Variants in ZNF148 observed in about 807,000 individuals in gnomAD.
ZNF148 encodes the protein zinc finger protein 148.
A neutral mutation model predicts 67.7 loss-of-function variants in ZNF148; 7 were observed. That is an observed-to-expected ratio of 0.10 (90% CI 0.06 to 0.19). The LOEUF (loss-of-function observed/expected upper bound fraction) is 0.19, where lower values mean the gene tolerates loss of function less well. Among genes scored for constraint, ZNF148 ranks in the 10% least tolerant of loss-of-function variants. ZNF148 has a pLI of 1.00. For missense variants in ZNF148, 583 were observed against 947.1 expected (o/e 0.62, Z 5.05); for synonymous variants, 333 against 330.7 (o/e 1.01, Z -0.08).
intron 7 of ZNF148, among the ~76,000 whole-genome samples, chr3:125,276,408 T>TTTTATTTA (rs34560368): frequency 1.2e-3 from 188 of 151,660 alleles, no homozygotes; most frequent in Admixed American, 2.0e-3. Flanking sequence ...ACAGTTAAAG[T>TTTTATTTA]TTTATTTATT....
intron 7 of ZNF148, among the ~76,000 whole-genome samples, chr3:125,252,535 T>C (rs1398004970): frequency 1.3e-5 from 2 of 152,008 alleles, no homozygotes; most frequent in Non-Finnish European, 2.9e-5. Context: ...AATCCCTGCA[T>C]GAGGCGGGTG....
At chr3:125,301,586 C>A (rs981380191) in intron 4 of ZNF148, among the ~76,000 whole-genome samples, 13 of 152,152 alleles carry the variant, frequency 8.5e-5, no homozygotes, top group African/African-American at 3.1e-4. Flanking sequence ...ACATAAAGTT[C>A]TTTGTACCTT....
intron 1 of ZNF148, among the ~76,000 whole-genome samples, chr3:125,340,389 A>G (rs6438897): frequency 0.77 from 117,251 of 152,100 alleles, 45,743 homozygotes; most frequent in African/African-American, 0.85. Context: ...GCAAGTAGGC[A>G]AAATTCAGGG....
intron 1 of ZNF148, among the ~76,000 whole-genome samples, chr3:125,333,806 T>C (rs752108680): frequency 6.6e-5 from 10 of 152,238 alleles, no homozygotes; most frequent in African/African-American, 9.6e-5. Flanking sequence ...TGAGGTTATG[T>C]CCCAATAGGT....
At chr3:125,254,876 TTC>T (rs1460246524) in intron 7 of ZNF148, among the ~76,000 whole-genome samples, 2 of 152,212 alleles carry the variant, frequency 1.3e-5, no homozygotes, top group Non-Finnish European at 1.5e-5. Context: ...TTTATTTGTT[TTC>T]TGTTTGTCCC....
chr3:125,322,707 C>A (rs1553709459), intron 3 of ZNF148, among the ~76,000 whole-genome samples: 1 of 152,154 alleles, frequency 6.6e-6, no homozygotes, highest in African/African-American at 2.4e-5. Context: ...ATAGTTTACA[C>A]AGACTTTTCA....
chr3:125,331,072 C>A, intron 2 of ZNF148, 86 bp downstream of exon 2: 1 of 397,922 alleles, frequency 2.5e-6, no homozygotes, highest in Non-Finnish European at 4.4e-6. Context: ...CACACTTATA[C>A]CCAACAGTTA....
intron 3 of ZNF148, among the ~76,000 whole-genome samples, chr3:125,317,429 G>C (rs756047635): frequency 1.4e-4 from 22 of 152,024 alleles, no homozygotes; most frequent in Non-Finnish European, 2.1e-4. Context: ...AAAGAAGTAA[G>C]TATAAGGATG....
At chr3:125,287,246 TAA>T (rs1349147184) in intron 5 of ZNF148, among the ~76,000 whole-genome samples, 1 of 151,900 alleles carries the variant, frequency 6.6e-6, no homozygotes, top group Admixed American at 6.6e-5. Flanking sequence ...AAGAAAAAAA[TAA>T]GAGTTAACTA....
chr3:125,287,868 C>T (rs556850191), intron 5 of ZNF148, among the ~76,000 whole-genome samples: 1 of 152,066 alleles, frequency 6.6e-6, no homozygotes, highest in Non-Finnish European at 1.5e-5. Flanking sequence ...GCATGCCATC[C>T]GATAGAGATA....
At position 125,234,495 on chromosome 3, in the gene ZNF148, T is replaced by C. The variant is rs979399526; in HGVS notation, c.668-166A>G. Among the ~76,000 whole-genome samples, 8 of 152,316 alleles carry C rather than the reference T, an allele frequency of 5.3e-5. No individual in the cohort carries two copies. The South Asian group carries it at 1.5e-3, about 28-fold the overall frequency. ...AAATGAAAAGGATTAGCATATGCTATTGGAAAGAAAAGGATGAATACAGGC... is the reference window on the plus strand; with the variant it reads ...AAATGAAAAGGATTAGCATATGCTACTGGAAAGAAAAGGATGAATACAGGC... On this transcript the variant is annotated intron_variant, in intron 7 of 8. Coordinates refer to ENST00000360647, the MANE Select transcript of ZNF148 (RefSeq NM_021964.3).
chr3:125,364,433 C>T (rs1453856147), intron 1 of ZNF148, among the ~76,000 whole-genome samples: 1 of 151,816 alleles, frequency 6.6e-6, no homozygotes, highest in Admixed American at 6.6e-5. Context: ...AACTTGAAAC[C>T]ATCCAATAAT....
At chr3:125,271,132 T>C (rs1186325897) in intron 7 of ZNF148, among the ~76,000 whole-genome samples, 1 of 152,196 alleles carries the variant, frequency 6.6e-6, no homozygotes, top group Non-Finnish European at 1.5e-5. Context: ...CACAAAACAG[T>C]ATTTTTTTAA....
At chr3:125,312,738 T>C (rs990356991) in intron 4 of ZNF148, among the ~76,000 whole-genome samples, 16 of 152,200 alleles carry the variant, frequency 1.1e-4, no homozygotes, top group African/African-American at 3.9e-4. Flanking sequence ...GGTTGTGGTT[T>C]CACTGATTAT....
At chr3:125,262,410 T>A (rs1937386807) in intron 7 of ZNF148, among the ~76,000 whole-genome samples, 1 of 152,226 alleles carries the variant, frequency 6.6e-6, no homozygotes, top group South Asian at 2.1e-4. Flanking sequence ...GGAAAATACA[T>A]CCACTGCCTA....
intron 1 of ZNF148, among the ~76,000 whole-genome samples, chr3:125,367,819 T>C (rs1158442980): frequency 1.3e-5 from 2 of 152,136 alleles, no homozygotes; most frequent in African/African-American, 4.8e-5. Context: ...GGGTACAGGC[T>C]CATAAAAGAA....
At chr3:125,340,987 C>CA (rs934719609) in intron 1 of ZNF148, among the ~76,000 whole-genome samples, 725 of 12,124 alleles carry the variant, frequency 0.06, 152 homozygotes, top group Non-Finnish European at 0.077. Context: ...GACTCCGGCT[C>CA]AAAAAAAAAA....
At chr3:125,314,343 C>G (rs532610381) in intron 3 of ZNF148, among the ~76,000 whole-genome samples, 38 of 152,252 alleles carry the variant, frequency 2.5e-4, no homozygotes, top group African/African-American at 8.9e-4. Flanking sequence ...TGGAATTTAT[C>G]TTGATGAAAT....
chr3:125,269,163 T>C (rs1297021672), intron 7 of ZNF148, among the ~76,000 whole-genome samples: 3 of 147,466 alleles, frequency 2.0e-5, no homozygotes, highest in South Asian at 2.2e-4. Context: ...AGCCCAGCAA[T>C]TTGAGACCAG....
Sources: gnomAD v4.1 joint callset for allele counts (sites outside exome capture counted in the v4.1 genomes callset) on GRCh38, gnomAD v4.1.1 for gene constraint, MANE v1.5 for transcripts, NCBI Gene and HGNC (gene_info 2026-07-23, HGNC 2026-07-21) for gene names.